PCDHB6: variants seen among roughly 807,000 people sequenced by gnomAD.
PCDHB6 encodes the protein protocadherin beta 6, also known as protocadherin beta-6.
For missense variants in PCDHB6, 1,137 were observed against 1,010.1 expected (o/e 1.13, Z -1.70); for synonymous variants, 506 against 459.0 (o/e 1.10, Z -1.31).
Position 141,152,389 on chromosome 5 carries a change from T to G in PCDHB6, c.2132T>G (p.Leu711Arg), listed in dbSNP as rs1554278025. The change falls in exon 1 of 1, where the codon CTG becomes CGG. Residue 711 changes from leucine (L) to arginine (R), a missense_variant. Coordinates refer to ENST00000231136, the MANE Select transcript of PCDHB6 (RefSeq NM_018939.4). Reference protein sequence around the residue: ...FSVLLFVAVRLCRRSRAASVG... With the variant: ...FSVLLFVAVRRCRRSRAASVG... ...GTGCTCCTGTTCGTGGCGGTGCGGC[T>G]GTGCAGGAGGAGCAGGGCGGCCTCG... The G allele has an allele frequency of 6.2e-7, 1 of 1,612,698 alleles. No homozygotes were observed. Among genetic ancestry groups the G allele is most frequent in the Admixed American group, 1.7e-5 (1 of 60,020 alleles).
Position 141,150,815 on chromosome 5 carries a change from A to T in PCDHB6, c.558A>T (p.Glu186Asp). 6.2e-7 allele frequency: 1 copy of T among 1,614,186 alleles called. No homozygotes were observed. The highest frequency in any genetic ancestry group is 2.2e-5 in the East Asian group (1 of 44,880). ...HFHVLTRNRS[E>D]GRKFPELVLD... is the part of the protein sequence containing the mutation. Reference sequence around the variant, plus strand: ...ACGTTCTCACCCGCAATCGCAGCGAAGGCAGGAAGTTCCCGGAGCTGGTGC... The same window carrying T: ...ACGTTCTCACCCGCAATCGCAGCGATGGCAGGAAGTTCCCGGAGCTGGTGC... The change falls in exon 1 of 1, where the codon GAA becomes GAT. Residue 186 changes from glutamate (E) to aspartate (D), a missense_variant. Physicochemically the swap from Glu to Asp is conservative, Grantham distance 45. Transcript: ENST00000231136.
In PCDHB6 at chr5:141,151,662, G is replaced by A. The variant is rs573025846; in HGVS notation, c.1405G>A (p.Gly469Ser). Reference protein sequence around the residue: ...RENNSPALHIGSVSATDRDSG... With the variant: ...RENNSPALHISSVSATDRDSG... ...GAACAACAGCCCCGCCCTGCACATCGGCAGCGTCAGCGCCACAGACAGAGA... is the reference window on the plus strand; with the variant it reads ...GAACAACAGCCCCGCCCTGCACATCAGCAGCGTCAGCGCCACAGACAGAGA... Residue 469 changes from glycine to serine, a missense_variant, in exon 1 of 1, where the codon GGC becomes AGC. By Grantham distance (56) the Gly-to-Ser change is moderately conservative. Coordinates refer to ENST00000231136, the MANE Select transcript of PCDHB6 (RefSeq NM_018939.4). 2.5e-6 allele frequency: 4 copies of A among 1,613,220 alleles called. No individual in the cohort carries two copies. The African/African-American group carries it at 4.0e-5, about 16-fold the overall frequency.
At position 141,151,028 on chromosome 5, in the gene PCDHB6, C is replaced by T. The variant is rs539008111; in HGVS notation, c.771C>T (p.Gly257=). 4.7e-5 allele frequency: 76 copies of T among 1,614,244 alleles called. No individual in the cohort carries two copies. The highest frequency in any genetic ancestry group is 6.0e-5 in the Non-Finnish European group (71 of 1,180,050). ...AAGTCCCTGAGAACAACCCCCTCGG[C>T]TCTCTGGTTATTACCGTCTCAGCCA... ...EAQVPENNPL[G]SLVITVSARD... is the part of the protein sequence containing the mutation. Residue 257 remains glycine (G), a synonymous_variant, in exon 1 of 1, where the codon GGC becomes GGT. Transcript: ENST00000231136.
chr5:141,151,174 A>T lies in PCDHB6; in HGVS notation c.917A>T (p.Asp306Val). Residue 306 changes from aspartate (D) to valine (V), a missense_variant, in exon 1 of 1, where the codon GAT becomes GTT. Asp to Val is a radical substitution (Grantham distance 152, BLOSUM62 -3). Transcript: ENST00000231136. ...TGEIRLRKAL[D>V]FEEIQSYDVD... ...GAAATTCGGCTGAGAAAGGCTTTGG[A>T]TTTTGAGGAAATTCAGTCTTATGAC... 6.2e-7 allele frequency: 1 copy of T among 1,614,152 alleles called. No individual in the cohort carries two copies. Among genetic ancestry groups the T allele is most frequent in the Non-Finnish European group, 8.5e-7 (1 of 1,180,030 alleles).
rs1554277379 is a variant in PCDHB6, at chr5:141,150,296, G to A, written c.39G>A (p.Val13=). ...AAGTACAGAACAAGAAAAGGCAAGT[G>A]GCTTTCTTCATTTTATTGATGCTTT... ...QTKVQNKKRQ[V]AFFILLMLWG... The change falls in exon 1 of 1, where the codon GTG becomes GTA. Residue 13 remains valine, a synonymous_variant. Transcript: ENST00000231136. 6.2e-7 allele frequency: 1 copy of A among 1,613,724 alleles called. No individual in the cohort carries two copies. The highest frequency in any genetic ancestry group is 8.5e-7 in the Non-Finnish European group (1 of 1,179,710).
At position 141,151,849 on chromosome 5, in the gene PCDHB6, C is replaced by T. The variant is rs1286549248; in HGVS notation, c.1592C>T (p.Ala531Val). The T allele has an allele frequency of 1.2e-6, 2 of 1,612,464 alleles. No individual in the cohort carries two copies. The highest frequency in any genetic ancestry group is 2.2e-5 in the East Asian group (1 of 44,876). ...CAGTCTTTCGAGTTCCGCGTGGGCG[C>T]CACAGACCGCGGCTCCCCGGCGTTG... ...ALQSFEFRVG[A>V]TDRGSPALSS... Residue 531 changes from alanine to valine, a missense_variant, in exon 1 of 1, where the codon GCC (alanine) becomes GTC (valine). Ala to Val is a moderately conservative substitution (Grantham distance 64). Transcript: ENST00000231136.
chr5:141,152,488 C>A lies in PCDHB6; in HGVS notation c.2231C>A (p.Ser744Tyr). ...GATGTGAGCGGCACCGGGACCCTATCCCAGAGCTACCAGTACAAGGTGTGT... is the reference window on the plus strand; with the variant it reads ...GATGTGAGCGGCACCGGGACCCTATACCAGAGCTACCAGTACAAGGTGTGT... ...LVDVSGTGTL[S>Y]QSYQYKVCLT... The change falls in exon 1 of 1, where the codon TCC (serine) becomes TAC (tyrosine). Residue 744 changes from serine to tyrosine, a missense_variant. Physicochemically the swap from Ser to Tyr is moderately radical, Grantham distance 144. Coordinates refer to ENST00000231136, the MANE Select transcript of PCDHB6 (RefSeq NM_018939.4). 1 of 1,614,100 alleles carries A rather than the reference C, an allele frequency of 6.2e-7. No individual in the cohort carries two copies. Among genetic ancestry groups the A allele is most frequent in the Admixed American group, 1.7e-5 (1 of 60,020 alleles).
Position 141,150,817 on chromosome 5 carries a change from G to A in PCDHB6, c.560G>A (p.Gly187Asp). 1 of 1,614,184 alleles carries A rather than the reference G, an allele frequency of 6.2e-7. No individual in the cohort carries two copies. The highest frequency in any genetic ancestry group is 8.5e-7 in the Non-Finnish European group (1 of 1,180,044). The change falls in exon 1 of 1, where the codon GGC (glycine) becomes GAC (aspartate). Residue 187 changes from glycine to aspartate, a missense_variant. Physicochemically the swap from Gly to Asp is moderately conservative, Grantham distance 94 (BLOSUM62 -1). Transcript: ENST00000231136. ...GTTCTCACCCGCAATCGCAGCGAAG[G>A]CAGGAAGTTCCCGGAGCTGGTGCTA... ...FHVLTRNRSEGRKFPELVLDK... is the reference protein window; with the variant it reads ...FHVLTRNRSEDRKFPELVLDK...
chr5:141,150,766 C>T lies in PCDHB6; in HGVS notation c.509C>T (p.Thr170Ile). 3 of 1,614,220 alleles carry T rather than the reference C, an allele frequency of 1.9e-6. No homozygotes were observed. The highest frequency in any genetic ancestry group is 2.5e-6 in the Non-Finnish European group (3 of 1,180,034). Residue 170 changes from threonine (T) to isoleucine (I), a missense_variant, in exon 1 of 1, where the codon ACA (threonine) becomes ATA (isoleucine). Coordinates refer to ENST00000231136, the MANE Select transcript of PCDHB6 (RefSeq NM_018939.4). ...DTGSNGLQRY[T>I]ISSNPHFHVL... ...GGCAGCAACGGCCTTCAGAGGTACA[C>T]AATCAGCTCCAACCCTCACTTCCAC...
Position 141,151,073 on chromosome 5 carries a change from G to C in PCDHB6, c.816G>C (p.Ser272=). Residue 272 remains serine (S), a synonymous_variant, in exon 1 of 1, where the codon TCG becomes TCC. Transcript: ENST00000231136. ...TVSARDLDAG[S]FGKVSYALFQ... is the part of the protein sequence containing the mutation. ...CAGCCAGAGATTTAGATGCAGGATCGTTTGGGAAGGTATCTTACGCCCTGT... is the reference window on the plus strand; with the variant it reads ...CAGCCAGAGATTTAGATGCAGGATCCTTTGGGAAGGTATCTTACGCCCTGT... The C allele has an allele frequency of 1.2e-6, 2 of 1,614,238 alleles. No individual in the cohort carries two copies. The highest frequency in any genetic ancestry group is 1.7e-6 in the Non-Finnish European group (2 of 1,180,030).
chr5:141,151,643 C>G lies in PCDHB6; in HGVS notation c.1386C>G (p.Asn462Lys). Residue 462 changes from asparagine to lysine, a missense_variant, in exon 1 of 1, where the codon AAC becomes AAG. By Grantham distance (94) the Asn-to-Lys change is moderately conservative. Transcript: ENST00000231136. ...TSYTLFVREN[N>K]SPALHIGSVS... ...ACACCCTGTTCGTCCGCGAGAACAACAGCCCCGCCCTGCACATCGGCAGCG... is the reference window on the plus strand; with the variant it reads ...ACACCCTGTTCGTCCGCGAGAACAAGAGCCCCGCCCTGCACATCGGCAGCG... The G allele has an allele frequency of 6.2e-7, 1 of 1,613,562 alleles. No homozygotes were observed.
Position 141,150,242 on chromosome 5 carries a change from T to A in PCDHB6, c.-16T>A. The A allele has an allele frequency of 6.3e-7, 1 of 1,582,402 alleles. No individual in the cohort carries two copies. On this transcript the variant is annotated 5_prime_UTR_variant, in exon 1 of 1. Coordinates refer to ENST00000231136, the MANE Select transcript of PCDHB6 (RefSeq NM_018939.4). ...AGCTGAAAAGGATTTTTCTTCCGTATTCAGACATAATAGACATGATGCAAA... is the reference window on the plus strand; with the variant it reads ...AGCTGAAAAGGATTTTTCTTCCGTAATCAGACATAATAGACATGATGCAAA...
Position 141,152,718 on chromosome 5 carries a change from G to T in PCDHB6, c.*76G>T. On this transcript the variant is annotated 3_prime_UTR_variant, in exon 1 of 1. Transcript: ENST00000231136. ...CTTAAAGTTACATGGTCTGTTTCTT[G>T]TTTATTTTACCTCTATTCTTTAGGT... 7.6e-7 allele frequency: 1 copy of T among 1,319,750 alleles called. No homozygotes were observed. Among genetic ancestry groups the T allele is most frequent in the Non-Finnish European group, 1.0e-6 (1 of 973,218 alleles). 81.8% of individuals were successfully genotyped at this position (1,319,750 alleles called of 1,614,324 possible).
Position 141,152,154 on chromosome 5 carries a change from G to T in PCDHB6, c.1897G>T (p.Ala633Ser), listed in dbSNP as rs781983350. 6 of 1,608,112 alleles carry T rather than the reference G, an allele frequency of 3.7e-6. No homozygotes were observed. The South Asian group carries it at 6.6e-5, about 18-fold the overall frequency. The stretch of plus-strand genomic sequence containing the variant: ...CGCCAGGCTGCTGAGCGAGCGAGAC[G>T]CAGCCAAGCACAGGCTGGTGGTGCT... ...RTARLLSERD[A>S]AKHRLVVLVK... The change falls in exon 1 of 1, where the codon GCA becomes TCA. Residue 633 changes from alanine (A) to serine (S), a missense_variant. Physicochemically the swap from Ala to Ser is moderately conservative, Grantham distance 99. Transcript: ENST00000231136.
In PCDHB6 at chr5:141,152,630, C is replaced by T. The variant is rs1157637704; in HGVS notation, c.2373C>T (p.Phe791=). The T allele has an allele frequency of 6.3e-7, 1 of 1,595,826 alleles. No homozygotes were observed. ...AAACCCCCACCTCTCGGAATAGCTT[C>T]CCGTTCAGTTAAGTGTGGGATTATT... The part of the protein sequence containing the change: ...MEETPTSRNS[F]PFS Residue 791 remains phenylalanine, a synonymous_variant, in exon 1 of 1, where the codon TTC becomes TTT. Coordinates refer to ENST00000231136, the MANE Select transcript of PCDHB6 (RefSeq NM_018939.4).
Position 141,152,312 on chromosome 5 carries a change from C to A in PCDHB6, c.2055C>A (p.Thr685=). The A allele has an allele frequency of 2.5e-6, 4 of 1,609,080 alleles. No homozygotes were observed. The highest frequency in any genetic ancestry group is 2.2e-5 in the South Asian group (2 of 91,006). The change falls in exon 1 of 1, where the codon ACC becomes ACA. Residue 685 remains threonine (T), a synonymous_variant. Transcript: ENST00000231136. ...CCCAAGCCCAGGCCGACTCTCTCACCGTCTACCTGGTGGTGGCGTTGGCCT... is the reference window on the plus strand; with the variant it reads ...CCCAAGCCCAGGCCGACTCTCTCACAGTCTACCTGGTGGTGGCGTTGGCCT... ...APAQAQADSL[T]VYLVVALASV...
rs77034669 is a variant in PCDHB6 at position 141,152,820 on chromosome 5, G to A, written c.*178G>A. 879 of 509,812 alleles carry A rather than the reference G, an allele frequency of 1.7e-3. 12 individuals carry two copies. Among genetic ancestry groups the A allele is most frequent in the African/African-American group, 0.016 (817 of 50,502 alleles). 31.6% of individuals were successfully genotyped at this position (509,812 alleles called of 1,614,324 possible). A position where few individuals can be genotyped will look rare whatever the true frequency, so the allele number is the denominator to read the frequency against. ...CTTAGTAGTTTATTACTTCACTTGA[G>A]GGTACTTGACAATATGAACAAAAAG... On this transcript the variant is annotated 3_prime_UTR_variant, in exon 1 of 1. Transcript: ENST00000231136.
chr5:141,151,593 G>GC lies in PCDHB6; in HGVS notation c.1341dup (p.Ala448ArgfsTer226), dbSNP rs1265020795. 1 of 1,613,856 alleles carries GC rather than the reference G, an allele frequency of 6.2e-7. No individual in the cohort carries two copies. The highest frequency in any genetic ancestry group is 8.5e-7 in the Non-Finnish European group (1 of 1,180,012). On this transcript the variant is annotated frameshift_variant, in exon 1 of 1. Transcript: ENST00000231136. LOFTEE classifies it low-confidence loss of function (END_TRUNC). ...GCAGGTCTCCGACGTCAATGACAAC[G>GC]CCCCCGCCTTCACCCAAACCTCCTA...
Position 141,151,398 on chromosome 5 carries a change from T to C in PCDHB6, c.1141T>C (p.Cys381Arg). The change falls in exon 1 of 1, where the codon TGT becomes CGT. Residue 381 changes from cysteine (C) to arginine (R), a missense_variant. By Grantham distance (180) the Cys-to-Arg change is radical. Coordinates refer to ENST00000231136, the MANE Select transcript of PCDHB6 (RefSeq NM_018939.4). ...ADSGHNQQVI[C>R]SIENNLPFLL... ...CTCTGGACATAACCAACAGGTTATT[T>C]GTTCAATAGAGAACAATCTCCCCTT... is the stretch of plus-strand genomic sequence containing the variant. The C allele has an allele frequency of 6.2e-7, 1 of 1,614,192 alleles. No homozygotes were observed. Among genetic ancestry groups the C allele is most frequent in the Non-Finnish European group, 8.5e-7 (1 of 1,180,026 alleles).
Sources: gnomAD v4.1 joint callset for allele counts on GRCh38, gnomAD v4.1.1 for gene constraint, MANE v1.5 for transcripts, NCBI Gene and HGNC (gene_info 2026-07-23, HGNC 2026-07-21) for gene names.